The following DCHS2 variants were observed in gnomAD, a reference collection of about 807,000 sequenced individuals.
The protein encoded by DCHS2 is dachsous cadherin-related 2, also known as protocadherin-23.
DCHS2 carries 142 observed loss-of-function variants against 182.4 expected under a neutral mutation model. That is an observed-to-expected ratio of 0.78 (90% CI 0.68 to 0.89). The LOEUF (loss-of-function observed/expected upper bound fraction) is 0.89, where lower values mean the gene tolerates loss of function less well. Among genes scored for constraint, DCHS2 ranks in the 40% least tolerant of loss-of-function variants. The pLI, the probability that DCHS2 is intolerant of heterozygous loss-of-function variation, is 0.00. For synonymous variants in DCHS2, 1,740 were observed against 1,663.3 expected (o/e 1.05, Z -1.12); for missense variants, 4,319 against 4,198.6 (o/e 1.03, Z -0.79).
At chr4:154,426,662 G>A (rs1241850116) in intron 1 of DCHS2, among the ~76,000 whole-genome samples, 2 of 152,084 alleles carry the variant, frequency 1.3e-5, no homozygotes, top group South Asian at 2.1e-4. Context: ...GGTCAGGTGC[G>A]ATGGCTCATG....
rs1489297754 is a variant in DCHS2, at chr4:154,302,958, C to T, written c.5605+1711G>A. On this transcript the variant is annotated intron_variant, in intron 12 of 19. Transcript: ENST00000357232. ...GTATACACACACACACACACACACA[C>T]ACACACACACCCACACACACACATA... Among the ~76,000 whole-genome samples the T allele has an allele frequency of 1.2e-3, 78 of 66,564 alleles. 3 individuals carry two copies. The highest frequency in any genetic ancestry group is 2.7e-3 in the Admixed American group (15 of 5,540). 43.7% of individuals were successfully genotyped at this position (66,564 alleles called of 152,430 possible).
intron 1 of DCHS2, among the ~76,000 whole-genome samples, chr4:154,459,800 C>T (rs1734938616): frequency 6.6e-6 from 1 of 151,718 alleles, no homozygotes; most frequent in Non-Finnish European, 1.5e-5. Flanking sequence ...ATCTCCCTCT[C>T]TTTCTCTCGC....
intron 1 of DCHS2, among the ~76,000 whole-genome samples, chr4:154,462,061 A>T (rs1422173238): frequency 6.6e-6 from 1 of 152,080 alleles, no homozygotes; most frequent in Non-Finnish European, 1.5e-5. Context: ...CACCCACCTC[A>T]CCCGCCCCAC....
At chr4:154,368,774 C>T (rs1236183553) in intron 2 of DCHS2, among the ~76,000 whole-genome samples, 1 of 152,282 alleles carries the variant, frequency 6.6e-6, no homozygotes, top group South Asian at 2.1e-4. Flanking sequence ...TCTGGGATTA[C>T]AGGCATGAGC....
In DCHS2 at chr4:154,293,110, G is replaced by T. The variant is rs147099500; in HGVS notation, c.6463+4741C>A. ...TCACCCTTGGCTGCACATTGGAATC[G>T]CATGGGAGCTTCTACAAATAAACAA... On this transcript the variant is annotated intron_variant, in intron 13 of 19. Coordinates refer to ENST00000357232, the MANE Select transcript of DCHS2 (RefSeq NM_001358235.2). 1.7e-4 allele frequency among the ~76,000 whole-genome samples: 26 copies of T among 152,202 alleles called. No homozygotes were observed. The East Asian group carries it at 4.8e-3, about 28-fold the overall frequency.
chr4:154,319,393 C>A (rs1009313892), intron 9 of DCHS2, among the ~76,000 whole-genome samples: 1 of 151,672 alleles, frequency 6.6e-6, no homozygotes, highest in Non-Finnish European at 1.5e-5. Context: ...AAAAGGCAAC[C>A]TATAGAATGG....
intron 1 of DCHS2, among the ~76,000 whole-genome samples, chr4:154,442,562 C>CACA: frequency 2.5e-5 from 3 of 122,416 alleles, no homozygotes; most frequent in Non-Finnish European, 5.0e-5. Context: ...CACACACACA[C>CACA]CAGGACATTG....
chr4:154,266,337 GT>G (rs1459004571), intron 14 of DCHS2, among the ~76,000 whole-genome samples: 133 of 151,238 alleles, frequency 8.8e-4, no homozygotes, highest in Non-Finnish European at 1.5e-3. Flanking sequence ...TTTTTTTGTT[GT>G]TTGTTTGTTT....
intron 1 of DCHS2, among the ~76,000 whole-genome samples, chr4:154,387,415 A>G (rs1731470771): frequency 1.4e-5 from 2 of 147,578 alleles, no homozygotes; most frequent in African/African-American, 5.0e-5. Flanking sequence ...ACTAAAACTA[A>G]AAGTGTATAT....
At chr4:154,277,849 T>G (rs1380762908) in intron 13 of DCHS2, among the ~76,000 whole-genome samples, 2 of 152,068 alleles carry the variant, frequency 1.3e-5, no homozygotes, top group Non-Finnish European at 2.9e-5. Context: ...AAGACCAGCC[T>G]GGCCAACATG....
At chr4:154,486,328 G>A (rs868079606) in intron 1 of DCHS2, 2 of 1,175,568 alleles carry the variant, frequency 1.7e-6, no homozygotes, top group Middle Eastern at 4.7e-4. Context: ...GCCAGCAACA[G>A]CAGCAACTAG....
At chr4:154,487,583 C>T (rs1579129287) in intron 1 of DCHS2, among the ~76,000 whole-genome samples, 1 of 152,178 alleles carries the variant, frequency 6.6e-6, no homozygotes, top group African/African-American at 2.4e-5. Flanking sequence ...ATTATTATCA[C>T]CCATATACCC....
chr4:154,259,974 C>A (rs1248635132), intron 14 of DCHS2, among the ~76,000 whole-genome samples: 1 of 152,080 alleles, frequency 6.6e-6, no homozygotes, highest in Non-Finnish European at 1.5e-5. Flanking sequence ...AGGAACCCGC[C>A]ACCATGCCCA....
chr4:154,465,407 G>A (rs538333645), intron 1 of DCHS2, among the ~76,000 whole-genome samples: 15 of 152,274 alleles, frequency 9.9e-5, no homozygotes, highest in Admixed American at 7.8e-4. Flanking sequence ...AGTGGCTCAC[G>A]TCTGTAATCC....
Position 154,489,712 on chromosome 4 carries a change from C to T in DCHS2, c.1644G>A (p.Val548=), listed in dbSNP as rs1337679860. ...LFSQQHYKAS[V]SEAAAPGTVV... ...CAGTGCCAGGGGCCGCGGCCTCGGA[C>T]ACTGAGGCCTTGTAATGCTGTTGGC... Residue 548 remains valine (V), a synonymous_variant, in exon 1 of 20, where the codon GTG becomes GTA. Coordinates refer to ENST00000357232, the MANE Select transcript of DCHS2 (RefSeq NM_001358235.2). The T allele has an allele frequency of 1.3e-6, 2 of 1,551,604 alleles. No homozygotes were observed. Among genetic ancestry groups the T allele is most frequent in the East Asian group, 4.9e-5 (2 of 40,910 alleles).
At position 154,329,089 on chromosome 4, in the gene DCHS2, C is replaced by T. The variant is rs150685548; in HGVS notation, c.3918+434G>A. ...TGGTGCATGTGATCAAAAGGATCAACTTTTACTATCTCTGGATTTCCACCT... is the reference window on the plus strand; with the variant it reads ...TGGTGCATGTGATCAAAAGGATCAATTTTTACTATCTCTGGATTTCCACCT... On this transcript the variant is annotated intron_variant, in intron 6 of 19. Coordinates refer to ENST00000357232, the MANE Select transcript of DCHS2 (RefSeq NM_001358235.2). 8.1e-4 allele frequency among the ~76,000 whole-genome samples: 124 copies of T among 152,268 alleles called. 1 individual carries two copies. The highest frequency in any genetic ancestry group is 2.7e-3 in the African/African-American group (113 of 41,572).
At chr4:154,329,379 G>T in intron 6 of DCHS2, 144 bp downstream of exon 6, 1 of 790,120 alleles carries the variant, frequency 1.3e-6, no homozygotes, top group Non-Finnish European at 2.0e-6. Context: ...AAAATAACAT[G>T]TGCACAGTAT....
In DCHS2 at chr4:154,298,426, C is replaced by G. The variant is rs1226116071; in HGVS notation, c.5888G>C (p.Gly1963Ala). 1.9e-6 allele frequency: 3 copies of G among 1,614,036 alleles called. No individual in the cohort carries two copies. In the Admixed American group the frequency reaches 5.0e-5, roughly 27 times the overall value. ...AAAATACTCAGTTTGCCCATTCAGG[C>G]CTTCATCCTTGTCCACAGCTGAAAG... ...LVLSAVDKDE[G>A]LNGQTEYFLT... Residue 1963 changes from glycine (G) to alanine (A), a missense_variant, in exon 13 of 20, where the codon GGC (glycine) becomes GCC (alanine). By Grantham distance (60) the Gly-to-Ala change is moderately conservative (BLOSUM62 0). Coordinates refer to ENST00000357232, the MANE Select transcript of DCHS2 (RefSeq NM_001358235.2).
chr4:154,455,260 A>C (rs1311094425), intron 1 of DCHS2, among the ~76,000 whole-genome samples: 1 of 152,180 alleles, frequency 6.6e-6, no homozygotes, highest in Non-Finnish European at 1.5e-5. Context: ...TAACAAACCT[A>C]CTTTAGAAAG....
Sources: allele counts gnomAD v4.1 joint callset (sites outside exome capture counted in the v4.1 genomes callset), GRCh38; gene constraint gnomAD v4.1.1; transcripts MANE v1.5; gene names NCBI Gene and HGNC (gene_info 2026-07-23, HGNC 2026-07-21).